Variants in LRFN5 observed in about 807,000 individuals in gnomAD.
LRFN5 encodes the protein leucine rich repeat and fibronectin type III domain containing 5, also known as leucine-rich repeat and fibronectin type-III domain-containing protein 5.
In LRFN5, 24 loss-of-function variants were observed where a neutral mutation model predicts 45.6. That is an observed-to-expected ratio of 0.53 (90% CI 0.38 to 0.74). The LOEUF is 0.74. Ranked by LOEUF, LRFN5 falls within the 30% of genes least tolerant of loss-of-function variation. LRFN5 has a pLI of 0.00. For synonymous variants in LRFN5, 340 were observed against 313.8 expected (o/e 1.08, Z -0.88); for missense variants, 776 against 861.5 (o/e 0.90, Z 1.24).
chr14:41,875,626 A>T lies in LRFN5; in HGVS notation c.-20-10980A>T, dbSNP rs1890160755. 3.9e-5 allele frequency among the ~76,000 whole-genome samples: 6 copies of T among 152,346 alleles called. No homozygotes were observed. The South Asian group carries it at 1.2e-3, about 32-fold the overall frequency. ...TTATACACTTAAAAGAAAACTTAGC[A>T]TTCTGCATTAAAATATTTGGGTGAC... On this transcript the variant is annotated intron_variant, in intron 2 of 5. Coordinates refer to ENST00000298119, the MANE Select transcript of LRFN5 (RefSeq NM_152447.5).
intron 1 of LRFN5, among the ~76,000 whole-genome samples, chr14:41,735,416 C>T (rs1884381623): frequency 6.6e-6 from 1 of 151,808 alleles, no homozygotes; most frequent in African/African-American, 2.4e-5. Flanking sequence ...CACAGGTGTG[C>T]ACAACCATAC....
intron 4 of LRFN5, among the ~76,000 whole-genome samples, chr14:41,898,085 A>T (rs1890996011): frequency 6.6e-6 from 1 of 152,038 alleles, no homozygotes; most frequent in Non-Finnish European, 1.5e-5. Context: ...ATCTCCAAAG[A>T]CCATTGTATA....
intron 1 of LRFN5, among the ~76,000 whole-genome samples, chr14:41,690,152 AT>A (rs1308247417): frequency 6.6e-6 from 1 of 152,136 alleles, no homozygotes; most frequent in Non-Finnish European, 1.5e-5. Context: ...ATGTAGCAAT[AT>A]TTTTAAAAAG....
chr14:41,837,660 AT>A lies in LRFN5; in HGVS notation c.-20-48936del, dbSNP rs368035012. Among the ~76,000 whole-genome samples the A allele has an allele frequency of 6.5e-3, 973 of 149,742 alleles. 6 individuals are homozygous for A. Among genetic ancestry groups the A allele is most frequent in the African/African-American group, 0.023 (933 of 40,898 alleles). On this transcript the variant is annotated intron_variant, in intron 2 of 5. Transcript: ENST00000298119. ...TAGGCCAGCAAGGGGAAAAGGGATC[AT>A]TTTTTTTTTCAGTTGTTCTTCTAGA...
At chr14:41,752,476 AT>A (rs1215806701) in intron 1 of LRFN5, among the ~76,000 whole-genome samples, 1 of 152,146 alleles carries the variant, frequency 6.6e-6, no homozygotes, top group African/African-American at 2.4e-5. Flanking sequence ...GTGAGATGAT[AT>A]CTCATTGTGG....
chr14:41,847,044 T>A (rs913823147), intron 2 of LRFN5, among the ~76,000 whole-genome samples: 1 of 152,164 alleles, frequency 6.6e-6, no homozygotes, highest in Non-Finnish European at 1.5e-5. Flanking sequence ...AGGTACAATT[T>A]TTCTGCCTAC....
chr14:41,708,589 G>A (rs1883159606), intron 1 of LRFN5, among the ~76,000 whole-genome samples: 1 of 151,878 alleles, frequency 6.6e-6, no homozygotes, highest in African/African-American at 2.4e-5. Context: ...ATTACAATTA[G>A]TTGATGTTTC....
chr14:41,888,738 A>C (rs1274942172), intron 3 of LRFN5, among the ~76,000 whole-genome samples: 1 of 152,164 alleles, frequency 6.6e-6, no homozygotes, highest in Non-Finnish European at 1.5e-5. Flanking sequence ...CACTGGAATT[A>C]GGTATGTAAT....
intron 1 of LRFN5, among the ~76,000 whole-genome samples, chr14:41,654,872 A>G (rs1004911552): frequency 6.6e-6 from 1 of 152,020 alleles, no homozygotes; most frequent in Admixed American, 6.6e-5. Flanking sequence ...TTTTAGAGAG[A>G]TACCACATGA....
intron 1 of LRFN5, among the ~76,000 whole-genome samples, chr14:41,757,413 A>G (rs567341884): frequency 9.2e-5 from 14 of 152,244 alleles, no homozygotes; most frequent in Non-Finnish European, 1.5e-4. Context: ...ACCCAGTTCA[A>G]TCTTCCTGGC....
chr14:41,670,830 A>G (rs1445350345), intron 1 of LRFN5, among the ~76,000 whole-genome samples: 1 of 152,082 alleles, frequency 6.6e-6, no homozygotes. Flanking sequence ...TCCAGCCATT[A>G]TTCCCTTAAT....
intron 2 of LRFN5, among the ~76,000 whole-genome samples, chr14:41,881,933 G>T (rs565035839): frequency 6.6e-6 from 1 of 152,214 alleles, no homozygotes; most frequent in Admixed American, 6.5e-5. Flanking sequence ...GCTCCCTGTG[G>T]TAATTGTAAT....
At chr14:41,866,484 G>A (rs1889844826) in intron 2 of LRFN5, among the ~76,000 whole-genome samples, 1 of 152,080 alleles carries the variant, frequency 6.6e-6, no homozygotes, top group Non-Finnish European at 1.5e-5. Context: ...CAGAGAAGAA[G>A]TTTCACCCCG....
At chr14:41,703,383 A>C (rs1036678781) in intron 1 of LRFN5, among the ~76,000 whole-genome samples, 3 of 152,188 alleles carry the variant, frequency 2.0e-5, no homozygotes, top group African/African-American at 7.2e-5. Flanking sequence ...ATTTTTCCTG[A>C]AAAATCAAGA....
intron 1 of LRFN5, among the ~76,000 whole-genome samples, chr14:41,627,252 T>C (rs1196876532): frequency 2.0e-5 from 3 of 152,278 alleles, no homozygotes; most frequent in South Asian, 2.1e-4. Context: ...AATTTTAGGA[T>C]GTTTTCATTA....
chr14:41,833,849 T>C (rs564273541), intron 2 of LRFN5, among the ~76,000 whole-genome samples: 2 of 152,334 alleles, frequency 1.3e-5, no homozygotes, highest in South Asian at 2.1e-4. Flanking sequence ...TTAGTCTCTT[T>C]CTTTTGAACT....
At chr14:41,803,094 T>C (rs2138972686) in intron 2 of LRFN5, among the ~76,000 whole-genome samples, 1 of 152,258 alleles carries the variant, frequency 6.6e-6, no homozygotes, top group African/African-American at 2.4e-5. Context: ...TAGAGTACTA[T>C]AAAGATATTA....
chr14:41,888,865 G>A (rs1008440972), intron 3 of LRFN5, among the ~76,000 whole-genome samples: 3 of 151,744 alleles, frequency 2.0e-5, no homozygotes, highest in African/African-American at 7.3e-5. Flanking sequence ...CAGTTAAAAA[G>A]ACATATTTTT....
intron 5 of LRFN5, among the ~76,000 whole-genome samples, chr14:41,900,134 A>T (rs1891060018): frequency 1.3e-5 from 2 of 152,046 alleles, no homozygotes; most frequent in Non-Finnish European, 2.9e-5. Context: ...ACTTTAATAA[A>T]TCATATCCAG....
Sources: allele counts gnomAD v4.1 joint callset (sites outside exome capture counted in the v4.1 genomes callset), GRCh38; gene constraint gnomAD v4.1.1; transcripts MANE v1.5; gene names NCBI Gene and HGNC (gene_info 2026-07-23, HGNC 2026-07-21).